The following HNF4A variants were observed in gnomAD, a reference collection of about 807,000 sequenced individuals.
HNF4A encodes the protein hepatocyte nuclear factor 4-alpha.
HNF4A carries 15 observed loss-of-function variants against 52.4 expected under a neutral mutation model. The ratio of observed to expected loss-of-function variants is 0.29; its 90% CI spans 0.19 to 0.44. The LOEUF (loss-of-function observed/expected upper bound fraction) is 0.44. Ranked by LOEUF, HNF4A falls within the 20% of genes least tolerant of loss-of-function variation. HNF4A has a pLI of 1.00. For missense variants in HNF4A, 479 were observed against 647.2 expected (o/e 0.74, Z 2.82); for synonymous variants, 280 against 264.4 (o/e 1.06, Z -0.57).
upstream of HNF4A, among the ~76,000 whole-genome samples, chr20:44,397,269 T>C (rs1765806951): frequency 6.6e-6 from 1 of 152,214 alleles, no homozygotes; most frequent in African/African-American, 2.4e-5. Flanking sequence ...ATGTTCTTCC[T>C]CACTGGAGGG....
chr20:44,408,731 A>G (rs914706006), intron 3 of HNF4A, among the ~76,000 whole-genome samples: 4 of 152,102 alleles, frequency 2.6e-5, no homozygotes, highest in Admixed American at 1.3e-4. Flanking sequence ...TCTCAAAAAA[A>G]ATAAAAAAGT....
chr20:44,421,801 A>G (rs2063749291), intron 7 of HNF4A, among the ~76,000 whole-genome samples: 1 of 147,094 alleles, frequency 6.8e-6, no homozygotes, highest in East Asian at 1.9e-4. Context: ...TATTATATAT[A>G]TATAATATAT....
At chr20:44,407,308 G>A (rs1472103323) in intron 2 of HNF4A, 73 bp from the exon 3 acceptor site, 4 of 1,137,168 alleles carry the variant, frequency 3.5e-6, no homozygotes, top group Middle Eastern at 1.9e-4. Context: ...CAACTGGATA[G>A]CCAGGGCCCT....
At position 44,428,547 on chromosome 20, in the gene HNF4A, CA is replaced by C. The variant is rs2063840204; in HGVS notation, c.1282+61del. 4.6e-6 allele frequency: 7 copies of C among 1,534,580 alleles called. No homozygotes were observed. The South Asian group carries it at 8.0e-5, about 18-fold the overall frequency. ...TGAGGATGGGGCTTAAGACAGGAGG[CA>C]GGAGAAAGTGGAGTCTAGAAGGTAG... On this transcript the variant is annotated intron_variant, in intron 9 of 9. Transcript: ENST00000316099.
chr20:44,380,832 A>T (rs1029362601), intron 1 of HNF4A, among the ~76,000 whole-genome samples: 1 of 152,234 alleles, frequency 6.6e-6, no homozygotes, highest in Non-Finnish European at 1.5e-5. Context: ...CCAAGAAATC[A>T]TCACCAAATC....
intron 1 of HNF4A, among the ~76,000 whole-genome samples, chr20:44,367,771 A>AAAAT (rs1260954625): frequency 6.6e-6 from 1 of 152,090 alleles, no homozygotes; most frequent in Admixed American, 6.6e-5. Context: ...ACAAAGTGAG[A>AAAAT]AAATAAATAA....
At chr20:44,411,636 T>C (rs941772217) in intron 3 of HNF4A, among the ~76,000 whole-genome samples, 7 of 152,196 alleles carry the variant, frequency 4.6e-5, no homozygotes, top group South Asian at 2.1e-4. Context: ...TTCTGTTCTA[T>C]CCACTGACTC....
intron 1 of HNF4A, among the ~76,000 whole-genome samples, chr20:44,367,897 G>A (rs1300635590): frequency 2.0e-5 from 3 of 151,616 alleles, no homozygotes; most frequent in Non-Finnish European, 4.4e-5. Flanking sequence ...TCAAAACCAC[G>A]CAGCGCATGA....
chr20:44,425,907 G>T (rs1361053433), intron 8 of HNF4A, among the ~76,000 whole-genome samples: 1 of 151,970 alleles, frequency 6.6e-6, no homozygotes, highest in South Asian at 2.1e-4. Flanking sequence ...CAATCCTTCC[G>T]ACTTGGCCTC....
intron 1 of HNF4A, among the ~76,000 whole-genome samples, chr20:44,383,607 A>G (rs527253930): frequency 4.0e-5 from 6 of 149,018 alleles, no homozygotes; most frequent in Non-Finnish European, 8.9e-5. Flanking sequence ...GCTGGAGTGC[A>G]GTGGTACAAT....
chr20:44,418,485 A>G lies in HNF4A; in HGVS notation c.709A>G (p.Met237Val), dbSNP rs1381499581. 4 of 1,613,418 alleles carry G rather than the reference A, an allele frequency of 2.5e-6. No homozygotes were observed. Among genetic ancestry groups the G allele is most frequent in the East Asian group, 2.2e-5 (1 of 44,866 alleles). The stretch of plus-strand genomic sequence containing the variant: ...GCTGCTCGGAGCCACCAAGAGATCC[A>G]TGGTGTTCAAGGACGTGCTGCTCCT... Residue 237 changes from methionine (M) to valine (V), a missense_variant, in exon 6 of 10, where the codon ATG becomes GTG. Met to Val is a conservative substitution (Grantham distance 21, BLOSUM62 1). Around this residue, in one of 3 missense-constraint regions of HNF4A, gnomAD observed 389 missense variants for 525.1 expected, o/e 0.74. Coordinates refer to ENST00000316099, the MANE Select transcript of HNF4A (RefSeq NM_000457.6).
chr20:44,405,748 A>G (rs1193690715), intron 1 of HNF4A, among the ~76,000 whole-genome samples: 1 of 152,152 alleles, frequency 6.6e-6, no homozygotes, highest in Non-Finnish European at 1.5e-5. Context: ...GCGAGTTAGG[A>G]GGCCGGCTCC....
chr20:44,359,084 G>T (rs187070359), intron 1 of HNF4A, among the ~76,000 whole-genome samples: 1 of 152,248 alleles, frequency 6.6e-6, no homozygotes, highest in Non-Finnish European at 1.5e-5. Flanking sequence ...CTGGGACCTG[G>T]GTAGTTTGTT....
At chr20:44,378,317 G>A (rs1179737987) in intron 1 of HNF4A, among the ~76,000 whole-genome samples, 1 of 151,228 alleles carries the variant, frequency 6.6e-6, no homozygotes, top group Admixed American at 6.6e-5. Context: ...CGCCCGGCTG[G>A]AGTGCAGTGG....
At chr20:44,419,567 G>A (rs1441159719) in intron 6 of HNF4A, among the ~76,000 whole-genome samples, 154 bp from the exon 7 acceptor site, 1 of 152,156 alleles carries the variant, frequency 6.6e-6, no homozygotes, top group African/African-American at 2.4e-5. Flanking sequence ...CTGAATCTGG[G>A]CCTCAGCTTC....
chr20:44,404,940 GTGTGTGGGA>G (rs2063472927), intron 1 of HNF4A, among the ~76,000 whole-genome samples: 2 of 78,666 alleles, frequency 2.5e-5, no homozygotes, highest in Non-Finnish European at 5.2e-5. Context: ...GTGTGTGTGC[GTGTGTGGGA>G]ACTGTGTGGT....
intron 3 of HNF4A, among the ~76,000 whole-genome samples, chr20:44,409,371 G>A (rs2063548651): frequency 6.6e-6 from 1 of 152,226 alleles, no homozygotes; most frequent in Non-Finnish European, 1.5e-5. Context: ...GAAAAAGATT[G>A]AGAACTACAG....
rs1444213089 is a variant in HNF4A, at chr20:44,413,930, GAC to G, written c.492+133_492+134del. ...GAGGGGCCTCAGATATTACAGAAGGGACACTGAGTCCGGTTTCACATGGCCCA... is the reference window on the plus strand; with the variant it reads ...GAGGGGCCTCAGATATTACAGAAGGGACTGAGTCCGGTTTCACATGGCCCA... On this transcript the variant is annotated intron_variant, in intron 4 of 9. Coordinates refer to ENST00000316099, the MANE Select transcript of HNF4A (RefSeq NM_000457.6). The G allele has an allele frequency of 5.6e-6, 4 of 713,566 alleles. No homozygotes were observed. The African/African-American group carries it at 7.0e-5, about 12-fold the overall frequency. 44.2% of individuals were successfully genotyped at this position (713,566 alleles called of 1,614,324 possible).
chr20:44,390,667 C>G, intron 1 of HNF4A: 1 of 702,476 alleles, frequency 1.4e-6, no homozygotes, highest in Non-Finnish European at 2.6e-6. Context: ...GGGCTTCCCC[C>G]AGGACCCACC....
Sources: allele counts gnomAD v4.1 joint callset (sites outside exome capture counted in the v4.1 genomes callset), GRCh38; gene constraint gnomAD v4.1.1; regional missense constraint gnomAD v4.1.1; transcripts MANE v1.5; gene names NCBI Gene and HGNC (gene_info 2026-07-23, HGNC 2026-07-21).